Variants in ZNHIT3 observed in about 807,000 individuals in gnomAD.
ZNHIT3 encodes zinc finger HIT domain-containing protein 3.
ZNHIT3 carries 27 observed loss-of-function variants against 19.9 expected under a neutral mutation model. That is an observed-to-expected ratio of 1.36 (90% CI 1.00 to 1.87). ZNHIT3 has a LOEUF of 1.87. ZNHIT3 is among the 40% of genes most tolerant of loss of function. The pLI, the probability that ZNHIT3 is intolerant of heterozygous loss-of-function variation, is 0.00. For synonymous variants in ZNHIT3, 81 were observed against 65.7 expected (o/e 1.23, Z -1.13); for missense variants, 215 against 185.6 (o/e 1.16, Z -0.92).
chr17:36,496,492 G>T, downstream of ZNHIT3: 1 of 1,330,688 alleles, frequency 7.5e-7, no homozygotes, highest in Non-Finnish European at 1.1e-6. Flanking sequence ...CGCTAAAAAT[G>T]CAAGAAGGTA....
chr17:36,493,011 A>T, intron 3 of ZNHIT3, 112 bp downstream of exon 3: 1 of 992,604 alleles, frequency 1.0e-6, no homozygotes, highest in South Asian at 1.3e-5. Flanking sequence ...TTCATTGGGA[A>T]GGAACAGCTT....
chr17:36,497,587 A>C, downstream of ZNHIT3: 1 of 979,662 alleles, frequency 1.0e-6, no homozygotes, highest in Non-Finnish European at 1.2e-6. Flanking sequence ...CCCTAAACCA[A>C]ACTTTTTTTT....
chr17:36,498,310 C>T, downstream of ZNHIT3: 3 of 1,613,954 alleles, frequency 1.9e-6, no homozygotes, highest in Non-Finnish European at 2.5e-6. Context: ...TGGTCTTGTG[C>T]TGTCTGGACA....
At chr17:36,496,617 C>G (rs1232656876), downstream of ZNHIT3, among the ~76,000 whole-genome samples, 4 of 152,174 alleles carry the variant, frequency 2.6e-5, no homozygotes, top group South Asian at 2.1e-4. Context: ...GAATGTCTGT[C>G]ACATTCCTAT....
downstream of ZNHIT3, chr17:36,498,257 A>G (rs754700889): frequency 1.9e-6 from 3 of 1,603,320 alleles, no homozygotes; most frequent in Non-Finnish European, 8.5e-7. Context: ...GCCATCACAC[A>G]CAACGTACCT....
intron 2 of ZNHIT3, among the ~76,000 whole-genome samples, chr17:36,487,265 T>A (rs1031823240): frequency 7.9e-6 from 1 of 126,300 alleles, no homozygotes; most frequent in Non-Finnish European, 1.7e-5. Context: ...TCCGATTGCT[T>A]TTCCCACCGA....
chr17:36,498,405 G>A (rs759458830), downstream of ZNHIT3: 12 of 1,614,010 alleles, frequency 7.4e-6, no homozygotes, highest in Admixed American at 1.7e-5. Context: ...ACCCATAGCC[G>A]TATTGGCCAG....
chr17:36,496,486 A>C (rs2070988290), downstream of ZNHIT3: 1 of 1,396,352 alleles, frequency 7.2e-7, no homozygotes, highest in Non-Finnish European at 1.0e-6. Flanking sequence ...AGCAGACGCT[A>C]AAAATGCAAG....
intron 2 of ZNHIT3, among the ~76,000 whole-genome samples, chr17:36,487,747 C>T (rs1279678711): frequency 1.3e-5 from 2 of 150,576 alleles, no homozygotes; most frequent in Non-Finnish European, 3.0e-5. Context: ...GCCGAAATCG[C>T]ACCACTGCAC....
At position 36,486,738 on chromosome 17, in the gene ZNHIT3, C is replaced by T; in HGVS notation, c.39C>T (p.Ile13=). 1 of 1,613,920 alleles carries T rather than the reference C, an allele frequency of 6.2e-7. No individual in the cohort carries two copies. Among genetic ancestry groups the T allele is most frequent in the Non-Finnish European group, 8.5e-7 (1 of 1,179,916 alleles). The part of the protein sequence containing the change: ...SLKCSTVVCV[I]CLEKPKYRCP... ...AATGTAGCACCGTCGTCTGCGTGATCTGCTTGGAGAAGCCCAAATACCGCT... is the reference window on the plus strand; with the variant it reads ...AATGTAGCACCGTCGTCTGCGTGATTTGCTTGGAGAAGCCCAAATACCGCT... The change falls in exon 1 of 5, where the codon ATC becomes ATT. Residue 13 remains isoleucine, a synonymous_variant. Transcript: ENST00000617429.
At chr17:36,496,106 G>T, downstream of ZNHIT3, 1 of 1,149,962 alleles carries the variant, frequency 8.7e-7, no homozygotes, top group Non-Finnish European at 1.2e-6. Flanking sequence ...TGGGCACGGG[G>T]CTCTGGGTCG....
intron 3 of ZNHIT3, chr17:36,493,195 A>G (rs1333852836): frequency 1.1e-5 from 5 of 475,382 alleles, no homozygotes; most frequent in Admixed American, 3.6e-5. Context: ...TCTCTAGCCC[A>G]TAGCTGCTGG....
chr17:36,496,158 C>T, downstream of ZNHIT3: 1 of 1,501,710 alleles, frequency 6.7e-7, no homozygotes, highest in Non-Finnish European at 9.1e-7. Context: ...ATTTGGAGCA[C>T]TGTGGGAATA....
intron 3 of ZNHIT3, chr17:36,493,169 C>A: frequency 1.9e-6 from 1 of 517,046 alleles, no homozygotes; most frequent in East Asian, 3.4e-5. Context: ...GCGGTGGGCC[C>A]TGCTGGCAGG....
chr17:36,488,913 A>C (rs34675748), intron 2 of ZNHIT3, among the ~76,000 whole-genome samples: 45,597 of 152,142 alleles, frequency 0.3, 8,319 homozygotes, highest in Non-Finnish European at 0.41. Context: ...ACTAGAACTT[A>C]TTCCTCCCAT....
At chr17:36,498,594 T>A, downstream of ZNHIT3, 1 of 1,569,694 alleles carries the variant, frequency 6.4e-7, no homozygotes, top group Non-Finnish European at 8.7e-7. Flanking sequence ...AGCTTTAGAT[T>A]TATCTAGCCC....
downstream of ZNHIT3, chr17:36,496,415 G>A (rs2070975590): frequency 6.2e-7 from 1 of 1,613,346 alleles, no homozygotes; most frequent in African/African-American, 1.3e-5. Flanking sequence ...CCCTAGAGGG[G>A]AGAGAGAGAT....
chr17:36,497,603 T>C, downstream of ZNHIT3: 1 of 864,522 alleles, frequency 1.2e-6, no homozygotes, highest in Non-Finnish European at 1.4e-6. Context: ...TTTTTTTTTT[T>C]AGATGGACTC....
At position 36,495,758 on chromosome 17, in the gene ZNHIT3, A is replaced by G. The variant is rs1183728445; in HGVS notation, c.*354A>G. ...AAATCAAAACGTGATTCTACTGTAC[A>G]TTGCATTATTCATAATTTAATTGTT... On this transcript the variant is annotated 3_prime_UTR_variant, in exon 5 of 5. Coordinates refer to ENST00000617429, the MANE Select transcript of ZNHIT3 (RefSeq NM_004773.4). 1 of 1,245,214 alleles carries G rather than the reference A, an allele frequency of 8.0e-7. No homozygotes were observed. Among genetic ancestry groups the G allele is most frequent in the Non-Finnish European group, 1.0e-6 (1 of 995,696 alleles). The allele number at this position is 1,245,214 out of a possible 1,614,324, so 77.1% of individuals were successfully genotyped here.
Sources: gnomAD v4.1 joint callset for allele counts (sites outside exome capture counted in the v4.1 genomes callset) on GRCh38, gnomAD v4.1.1 for gene constraint, MANE v1.5 for transcripts, NCBI Gene and HGNC (gene_info 2026-07-23, HGNC 2026-07-21) for gene names.